Variants in GPHN observed in about 807,000 individuals in gnomAD.
GPHN encodes the protein gephyrin.
In GPHN, 17 loss-of-function variants were observed where a neutral mutation model predicts 95.5. The ratio of observed to expected loss-of-function variants is 0.18; its 90% CI spans 0.12 to 0.27. The LOEUF (loss-of-function observed/expected upper bound fraction) is 0.27, where lower values mean the gene tolerates loss of function less well. Among genes scored for constraint, GPHN ranks in the 10% least tolerant of loss-of-function variants. GPHN has a pLI of 1.00. For synonymous variants in GPHN, 320 were observed against 322.5 expected, an observed-to-expected ratio of 0.99 and a Z score of 0.08; for missense variants, 660 against 978.1, an observed-to-expected ratio of 0.67 and a Z score of 4.34.
chr14:66,569,890 C>T (rs1189576972), intron 1 of GPHN, among the ~76,000 whole-genome samples: 1 of 152,048 alleles, frequency 6.6e-6, no homozygotes, highest in Non-Finnish European at 1.5e-5. Context: ...ATCTCTTGGG[C>T]TTATTCTTCC....
chr14:66,754,607 G>C (rs1489846737), intron 2 of GPHN, among the ~76,000 whole-genome samples: 2 of 149,192 alleles, frequency 1.3e-5, no homozygotes, highest in African/African-American at 5.1e-5. Context: ...ATAGAAATAA[G>C]ATCTACTTAT....
At chr14:67,232,846 T>G in the GPHN span, among the ~76,000 whole-genome samples, 1 of 152,236 alleles carries the variant, frequency 6.6e-6, no homozygotes, top group Non-Finnish European at 1.5e-5. Flanking sequence ...TGTGTGCTGT[T>G]CTGCCTTCCT....
At chr14:66,962,729 C>A (rs981023932) in intron 8 of GPHN, among the ~76,000 whole-genome samples, 44 of 151,602 alleles carry the variant, frequency 2.9e-4, no homozygotes, top group Admixed American at 2.7e-3. Flanking sequence ...TCTCTCTATT[C>A]CTATTCTCTC....
At chr14:67,683,496 G>A in the GPHN span, among the ~76,000 whole-genome samples, 1 of 152,186 alleles carries the variant, frequency 6.6e-6, no homozygotes, top group African/African-American at 2.4e-5. Flanking sequence ...CTCTTTGGCT[G>A]AACATTCTAC....
chr14:67,243,817 C>G, the GPHN span, among the ~76,000 whole-genome samples: 1 of 152,152 alleles, frequency 6.6e-6, no homozygotes, highest in African/African-American at 2.4e-5. Context: ...TGATCATATA[C>G]TTACTGAATC....
the GPHN span, chr14:67,615,705 A>T: frequency 2.0e-5 from 10 of 499,318 alleles, no homozygotes; most frequent in Non-Finnish European, 3.5e-5. Flanking sequence ...ACGAAAGAGA[A>T]ATGAAAACAT....
intron 9 of GPHN, among the ~76,000 whole-genome samples, chr14:66,995,561 C>T (rs1343063105): frequency 1.3e-5 from 2 of 152,128 alleles, no homozygotes; most frequent in African/African-American, 4.8e-5. Flanking sequence ...TTTGTATTTT[C>T]ATTCATTAAA....
intron 1 of GPHN, among the ~76,000 whole-genome samples, chr14:66,662,723 C>G (rs1294330260): frequency 6.6e-6 from 1 of 152,180 alleles, no homozygotes; most frequent in East Asian, 1.9e-4. Flanking sequence ...AGCTACAGAT[C>G]ATGATAAAAC....
chr14:66,939,193 GAA>G (rs2067277068), intron 8 of GPHN, among the ~76,000 whole-genome samples: 1 of 152,098 alleles, frequency 6.6e-6, no homozygotes, highest in Non-Finnish European at 1.5e-5. Context: ...GACTGCATGG[GAA>G]TTTTAAATCT....
chr14:67,399,453 G>C, the GPHN span, among the ~76,000 whole-genome samples: 1 of 148,916 alleles, frequency 6.7e-6, no homozygotes, highest in Admixed American at 6.7e-5. Flanking sequence ...CTGTCAGGTG[G>C]CAGGAATAAA....
Position 66,637,296 on chromosome 14 carries a change from G to A in GPHN, c.65-43811G>A, listed in dbSNP as rs193058044. On this transcript the variant is annotated intron_variant, in intron 1 of 22. Transcript: ENST00000478722. ...CAAAATCTTTGCAGTTATGTAACCCGGATTTTTAAATTTCAAGTTAGTTAT... is the reference window on the plus strand; with the variant it reads ...CAAAATCTTTGCAGTTATGTAACCCAGATTTTTAAATTTCAAGTTAGTTAT... Among the ~76,000 whole-genome samples the A allele has an allele frequency of 7.2e-5, 11 of 152,076 alleles. No individual in the cohort carries two copies. The South Asian group carries it at 8.3e-4, about 11-fold the overall frequency.
rs554331682 is a variant in GPHN, at chr14:66,839,407, T to C, written c.294+14841T>C. 2.6e-5 allele frequency among the ~76,000 whole-genome samples: 4 copies of C among 152,328 alleles called. No individual in the cohort carries two copies. In the South Asian group the frequency reaches 8.3e-4, roughly 32 times the overall value. On this transcript the variant is annotated intron_variant, in intron 4 of 22. Transcript: ENST00000478722. ...AGCTTCTTCACTCCTTTCTATAGGT[T>C]GTATTGCAGCAAATAACATAATATC...
chr14:67,662,179 C>CAAA, the GPHN span, among the ~76,000 whole-genome samples: 4 of 141,744 alleles, frequency 2.8e-5, no homozygotes, highest in East Asian at 2.1e-4. Flanking sequence ...ACAACAACAA[C>CAAA]AAAAAAAAAA....
At chr14:66,847,824 A>G (rs1288060312) in intron 4 of GPHN, among the ~76,000 whole-genome samples, 2 of 152,114 alleles carry the variant, frequency 1.3e-5, no homozygotes, top group East Asian at 1.9e-4. Context: ...GGCACTAATA[A>G]TCAGTCTCCT....
chr14:66,704,379 A>C (rs1287212996), intron 2 of GPHN, among the ~76,000 whole-genome samples: 1 of 152,132 alleles, frequency 6.6e-6, no homozygotes, highest in African/African-American at 2.4e-5. Flanking sequence ...TCGGTGCCGC[A>C]TAGCACTTAT....
chr14:67,183,391 A>G (rs919168312), downstream of GPHN, among the ~76,000 whole-genome samples: 2 of 152,108 alleles, frequency 1.3e-5, no homozygotes, highest in African/African-American at 2.4e-5. Flanking sequence ...AACACTTTAC[A>G]TATGTTCAAT....
At chr14:66,922,197 A>G (rs1390893922) in intron 6 of GPHN, among the ~76,000 whole-genome samples, 1 of 152,038 alleles carries the variant, frequency 6.6e-6, no homozygotes, top group Non-Finnish European at 1.5e-5. Context: ...CAATAAAAAC[A>G]AAGATAAATA....
the GPHN span, chr14:67,578,246 G>T: frequency 6.4e-7 from 1 of 1,554,824 alleles, no homozygotes; most frequent in Non-Finnish European, 8.8e-7. The surrounding 1 kb of genome is among the most constrained non-coding windows in gnomAD (Gnocchi z 5.0). Context: ...ATTGGCAAGG[G>T]CTGCCAGGTG....
intron 1 of GPHN, among the ~76,000 whole-genome samples, chr14:66,619,626 A>G (rs1391969610): frequency 6.6e-6 from 1 of 152,114 alleles, no homozygotes; most frequent in African/African-American, 2.4e-5. Context: ...CAAGTAAGAC[A>G]TATGCTTGTA....
Sources: allele counts gnomAD v4.1 joint callset (sites outside exome capture counted in the v4.1 genomes callset), GRCh38; gene constraint gnomAD v4.1.1; non-coding constraint Gnocchi (gnomAD v3.1); transcripts MANE v1.5; gene names NCBI Gene and HGNC (gene_info 2026-07-23, HGNC 2026-07-21).